The following CPAMD8 variants were observed in gnomAD, a reference collection of about 807,000 sequenced individuals.
CPAMD8 encodes the protein C3 and PZP-like alpha-2-macroglobulin domain-containing protein 8.
Under a neutral mutation model 224.7 loss-of-function variants are expected in CPAMD8, and 146 were observed. The ratio of observed to expected loss-of-function variants is 0.65; its 90% CI spans 0.57 to 0.75. CPAMD8 has a LOEUF of 0.75. CPAMD8 is among the 30% of genes least tolerant of loss of function. The probability of loss-of-function intolerance (pLI) is 0.00; values close to 1 mark genes in which losing one functional copy is unlikely to be tolerated. For missense variants in CPAMD8, 2,301 were observed against 2,537.5 expected, an observed-to-expected ratio of 0.91 and a Z score of 2.00; for synonymous variants, 966 against 1,044.6, an observed-to-expected ratio of 0.92 and a Z score of 1.45.
At chr19:16,969,118 C>T (rs904892141) in intron 18 of CPAMD8, among the ~76,000 whole-genome samples, 3 of 152,144 alleles carry the variant, frequency 2.0e-5, no homozygotes, top group African/African-American at 7.2e-5. Context: ...GGAGATCAAG[C>T]CCCAGGTTCT....
Position 16,977,461 on chromosome 19 carries a change from G to A in CPAMD8, c.1665C>T (p.Pro555=), listed in dbSNP as rs749285312. The A allele has an allele frequency of 3.1e-6, 5 of 1,611,364 alleles. No individual in the cohort carries two copies. The highest frequency in any genetic ancestry group is 2.2e-5 in the East Asian group (1 of 44,820). Reference sequence around the variant, plus strand: ...CGTAGAAGACCAGCAGGCGACCAAGGGGGACCATGCTGGGGGTCACGGCCA... The same window carrying A: ...CGTAGAAGACCAGCAGGCGACCAAGAGGGACCATGCTGGGGGTCACGGCCA... The part of the protein sequence containing the change: ...LHLAVTPSMV[P]LGRLLVFYVR... The change falls in exon 15 of 42, where the codon CCC becomes CCT. Residue 555 remains proline, a synonymous_variant. Transcript: ENST00000443236.
intron 23 of CPAMD8, among the ~76,000 whole-genome samples, chr19:16,931,294 G>A (rs1046674056): frequency 6.6e-6 from 1 of 152,166 alleles, no homozygotes; most frequent in Non-Finnish European, 1.5e-5. Flanking sequence ...CCATCCAAGG[G>A]CCTTGAGACT....
chr19:16,999,585 CAAA>C (rs1200333256), intron 10 of CPAMD8, among the ~76,000 whole-genome samples: 2 of 126,954 alleles, frequency 1.6e-5, no homozygotes, highest in Non-Finnish European at 1.7e-5. Context: ...ACTCCATCTC[CAAA>C]AAAAAAAAAA....
At chr19:16,937,730 G>A (rs938263111) in intron 23 of CPAMD8, among the ~76,000 whole-genome samples, 3 of 145,734 alleles carry the variant, frequency 2.1e-5, no homozygotes, top group African/African-American at 7.7e-5. Flanking sequence ...TCGGCTCACT[G>A]CAACCTCCGC....
At chr19:16,930,234 G>A (rs1301671026) in intron 23 of CPAMD8, among the ~76,000 whole-genome samples, 2 of 148,712 alleles carry the variant, frequency 1.3e-5, no homozygotes, top group Non-Finnish European at 1.5e-5. Flanking sequence ...CAGCATCGGC[G>A]ACAAGAGTGA....
chr19:16,906,391 TTTCTTTCTTTCTTTCTTTCCTTCC>T (rs1392137935), intron 30 of CPAMD8, among the ~76,000 whole-genome samples: 11 of 78,842 alleles, frequency 1.4e-4, no homozygotes, highest in East Asian at 6.5e-4. Context: ...TCTTTCTTTC[TTTCTTTCTTTCTTTCTTTCCTTCC>T]TTCCTTCCTT....
At position 17,000,559 on chromosome 19, in the gene CPAMD8, C is replaced by T. The variant is rs1210962879; in HGVS notation, c.759-37G>A. 4 of 940,138 alleles carry T rather than the reference C, an allele frequency of 4.3e-6. No homozygotes were observed. In the South Asian group the frequency reaches 5.2e-5, roughly 12 times the overall value. The allele number at this position is 940,138 out of a possible 1,614,324, so 58.2% of individuals were successfully genotyped here. On this transcript the variant is annotated intron_variant, in intron 9 of 41. Coordinates refer to ENST00000443236, the MANE Select transcript of CPAMD8 (RefSeq NM_015692.5). Reference sequence around the variant, plus strand: ...GGATAAAGCATGCTCAATTTCACAGCCAAGATGGCAGGGAGGGCCCAGCCT... The same window carrying T: ...GGATAAAGCATGCTCAATTTCACAGTCAAGATGGCAGGGAGGGCCCAGCCT...
At chr19:16,963,279 T>C (rs1183043292) in intron 18 of CPAMD8, among the ~76,000 whole-genome samples, 1 of 152,194 alleles carries the variant, frequency 6.6e-6, no homozygotes, top group African/African-American at 2.4e-5. Flanking sequence ...CCCATTATTG[T>C]GCTGTATTCA....
chr19:17,000,252 A>G, intron 10 of CPAMD8, 162 bp downstream of exon 10: 1 of 526,518 alleles, frequency 1.9e-6, no homozygotes, highest in Non-Finnish European at 3.4e-6. Flanking sequence ...CCAGGAGTTC[A>G]AGACAAGCCT....
chr19:16,962,376 C>T (rs763213363), intron 18 of CPAMD8, among the ~76,000 whole-genome samples: 12 of 152,184 alleles, frequency 7.9e-5, no homozygotes, highest in African/African-American at 1.4e-4. Context: ...AACCATGGCA[C>T]GAGAACTTTG....
intron 7 of CPAMD8, among the ~76,000 whole-genome samples, chr19:17,007,147 A>T (rs148528323): frequency 8.2e-4 from 125 of 152,210 alleles, no homozygotes; most frequent in Middle Eastern, 3.4e-3. Context: ...CAGCCTGGCC[A>T]ACATGGTGAA....
At chr19:16,962,242 C>A (rs1037109458) in intron 18 of CPAMD8, among the ~76,000 whole-genome samples, 2 of 152,196 alleles carry the variant, frequency 1.3e-5, no homozygotes, top group African/African-American at 4.8e-5. Context: ...ACAAACTTCT[C>A]TGAGCTAAAG....
intron 23 of CPAMD8, among the ~76,000 whole-genome samples, chr19:16,932,651 CA>C (rs1390943849): frequency 7.1e-6 from 1 of 141,782 alleles, no homozygotes; most frequent in Non-Finnish European, 1.5e-5. Context: ...CCCAATCAGA[CA>C]AAAATAAAGA....
intron 29 of CPAMD8, among the ~76,000 whole-genome samples, chr19:16,914,080 C>A (rs986039061): frequency 6.6e-6 from 1 of 152,100 alleles, no homozygotes; most frequent in Admixed American, 6.6e-5. Context: ...CTGAAGCCAA[C>A]CCTTGGGTCA....
At chr19:17,024,561 G>A (rs1042519875) in intron 1 of CPAMD8, among the ~76,000 whole-genome samples, 10 of 152,174 alleles carry the variant, frequency 6.6e-5, no homozygotes, top group African/African-American at 2.4e-4. Flanking sequence ...TAAGGAATAC[G>A]TGTTCATTTT....
chr19:16,895,492 TA>T (rs1194837582), intron 41 of CPAMD8: 3 of 185,204 alleles, frequency 1.6e-5, no homozygotes, highest in African/African-American at 7.1e-5. Context: ...TACAGACGGG[TA>T]GGGGGAAAAT....
intron 36 of CPAMD8, among the ~76,000 whole-genome samples, chr19:16,900,345 C>A (rs1188854475): frequency 3.9e-5 from 6 of 152,226 alleles, no homozygotes; most frequent in South Asian, 4.1e-4. Context: ...CATCTGTAAT[C>A]CCAGCACTTT....
chr19:16,940,760 T>TG (rs1264012885), intron 22 of CPAMD8, among the ~76,000 whole-genome samples: 1 of 152,074 alleles, frequency 6.6e-6, no homozygotes, highest in East Asian at 1.9e-4. Context: ...ATCTCACACC[T>TG]GCTAGGCCCG....
intron 19 of CPAMD8, among the ~76,000 whole-genome samples, chr19:16,956,379 A>G (rs777962671): frequency 2.6e-5 from 4 of 152,094 alleles, no homozygotes; most frequent in Non-Finnish European, 4.4e-5. Context: ...GGATTCCACC[A>G]TCTTTCTCTG....
Sources: gnomAD v4.1 joint callset for allele counts (sites outside exome capture counted in the v4.1 genomes callset) on GRCh38, gnomAD v4.1.1 for gene constraint, MANE v1.5 for transcripts, NCBI Gene and HGNC (gene_info 2026-07-23, HGNC 2026-07-21) for gene names.